Variants in CNTNAP2 observed in about 807,000 individuals in gnomAD.
The protein encoded by CNTNAP2 is contactin-associated protein-like 2.
Under a neutral mutation model 155.2 loss-of-function variants are expected in CNTNAP2, and 98 were observed. That is an observed-to-expected ratio of 0.63 (90% confidence interval 0.54 to 0.75). CNTNAP2 has a LOEUF of 0.75. CNTNAP2 is among the 30% of genes least tolerant of loss of function. The probability of loss-of-function intolerance (pLI) is 0.00; values close to 1 mark genes in which losing one functional copy is unlikely to be tolerated. For synonymous variants in CNTNAP2, 651 were observed against 631.2 expected, an observed-to-expected ratio of 1.03 and a Z score of -0.47; for missense variants, 1,727 against 1,688.1, an observed-to-expected ratio of 1.02 and a Z score of -0.40.
chr7:146,353,061 G>A (rs933387285), intron 1 of CNTNAP2, among the ~76,000 whole-genome samples: 1 of 152,074 alleles, frequency 6.6e-6, no homozygotes, highest in Non-Finnish European at 1.5e-5. Context: ...GCCAGGGGAT[G>A]TCTTATTTCT....
intron 1 of CNTNAP2, among the ~76,000 whole-genome samples, chr7:146,137,999 G>A (rs900889059): frequency 2.6e-5 from 4 of 151,702 alleles, no homozygotes; most frequent in African/African-American, 9.7e-5. Flanking sequence ...TTTCAAATTA[G>A]GTTTAAATAT....
At chr7:146,363,165 A>G (rs1350944339) in intron 1 of CNTNAP2, among the ~76,000 whole-genome samples, 1 of 152,284 alleles carries the variant, frequency 6.6e-6, no homozygotes. Context: ...ATCAACATGT[A>G]CTAATTTTTT....
chr7:147,131,044 A>ATGTG (rs1554441744), intron 7 of CNTNAP2, among the ~76,000 whole-genome samples: 1 of 143,840 alleles, frequency 7.0e-6, no homozygotes, highest in Non-Finnish European at 1.5e-5. Flanking sequence ...ATATATACAC[A>ATGTG]TATATATATG....
chr7:147,785,227 G>T (rs1446122892), intron 13 of CNTNAP2, among the ~76,000 whole-genome samples: 4 of 152,114 alleles, frequency 2.6e-5, no homozygotes, highest in African/African-American at 7.2e-5. Context: ...AACAGGAAGA[G>T]TGGCTAAAAA....
At chr7:147,593,412 A>T (rs1050129542) in intron 12 of CNTNAP2, among the ~76,000 whole-genome samples, 1 of 151,738 alleles carries the variant, frequency 6.6e-6, no homozygotes, top group African/African-American at 2.4e-5. Flanking sequence ...AATGAATTGG[A>T]TGATAAGTGA....
chr7:147,388,931 C>T (rs1334462480), intron 9 of CNTNAP2, among the ~76,000 whole-genome samples: 1 of 152,154 alleles, frequency 6.6e-6, no homozygotes, highest in Non-Finnish European at 1.5e-5. Flanking sequence ...TCTCACTATC[C>T]TCCATGTATT....
chr7:148,229,883 A>T, intron 20 of CNTNAP2, 104 bp downstream of exon 20: 1 of 1,356,240 alleles, frequency 7.4e-7, no homozygotes, highest in Admixed American at 1.8e-5. Context: ...GAAGTAGAAG[A>T]GATGCTTTTT....
chr7:147,017,610 A>G (rs970305595), intron 3 of CNTNAP2, among the ~76,000 whole-genome samples: 11 of 152,072 alleles, frequency 7.2e-5, no homozygotes, highest in African/African-American at 2.7e-4. Flanking sequence ...GATAGGAAAT[A>G]GTGAGTAAAG....
intron 1 of CNTNAP2, among the ~76,000 whole-genome samples, chr7:146,494,722 T>C (rs894924224): frequency 3.3e-5 from 5 of 152,250 alleles, no homozygotes; most frequent in Admixed American, 6.5e-5. Context: ...TCAACTGTTA[T>C]ACTGCAATGC....
At chr7:147,046,685 A>G (rs558576574) in intron 4 of CNTNAP2, among the ~76,000 whole-genome samples, 14 of 152,272 alleles carry the variant, frequency 9.2e-5, no homozygotes, top group East Asian at 5.8e-4. Context: ...AAAGTCTCCA[A>G]TGCAATTAAC....
At chr7:147,652,552 A>G (rs1184386010) in intron 13 of CNTNAP2, among the ~76,000 whole-genome samples, 2 of 152,206 alleles carry the variant, frequency 1.3e-5, no homozygotes, top group East Asian at 3.9e-4. Context: ...TGAGTTGTAT[A>G]TCGGAATTTC....
chr7:146,946,763 G>T (rs1024308633), intron 3 of CNTNAP2, among the ~76,000 whole-genome samples: 4 of 143,772 alleles, frequency 2.8e-5, no homozygotes, highest in Non-Finnish European at 5.9e-5. Context: ...CATGCTTCAG[G>T]ATTTGATGAA....
chr7:147,557,027 G>T (rs1799964645), intron 11 of CNTNAP2, among the ~76,000 whole-genome samples: 1 of 151,076 alleles, frequency 6.6e-6, no homozygotes, highest in Admixed American at 6.6e-5. Context: ...GCAGGCGGGG[G>T]TCGGGAGGCT....
At position 148,267,066 on chromosome 7, in the gene CNTNAP2, C is replaced by T. The variant is rs1290239694; in HGVS notation, c.3415C>T (p.Pro1139Ser). Residue 1139 changes from proline to serine, a missense_variant, in exon 21 of 24, where the codon CCA (proline) becomes TCA (serine). By Grantham distance (74) the Pro-to-Ser change is moderately conservative. Coordinates refer to ENST00000361727, the MANE Select transcript of CNTNAP2 (RefSeq NM_014141.6). The part of the protein sequence containing the change: ...DHYPSVSYHL[P>S]SSSDTLFNSP... Reference sequence around the variant, plus strand: ...TTATCCTTCTGTGAGTTACCATCTGCCAAGTTCATCCGACACCCTCTTCAA... The same window carrying T: ...TTATCCTTCTGTGAGTTACCATCTGTCAAGTTCATCCGACACCCTCTTCAA... 6.2e-7 allele frequency: 1 copy of T among 1,614,134 alleles called. No individual in the cohort carries two copies. Among genetic ancestry groups the T allele is most frequent in the African/African-American group, 1.3e-5 (1 of 75,038 alleles).
chr7:147,415,391 G>A (rs1797175234), intron 10 of CNTNAP2, among the ~76,000 whole-genome samples: 1 of 152,186 alleles, frequency 6.6e-6, no homozygotes, highest in South Asian at 2.1e-4. Flanking sequence ...CGTGTCAAGG[G>A]AGAGACCAGG....
chr7:147,219,112 A>G (rs1803338489), intron 8 of CNTNAP2, among the ~76,000 whole-genome samples: 1 of 152,176 alleles, frequency 6.6e-6, no homozygotes, highest in Non-Finnish European at 1.5e-5. Flanking sequence ...AGGGTGAGAG[A>G]GCAAGAAGGG....
intron 1 of CNTNAP2, among the ~76,000 whole-genome samples, chr7:146,667,742 A>G (rs1052801128): frequency 4.6e-5 from 7 of 151,742 alleles, no homozygotes; most frequent in Middle Eastern, 6.8e-3. Flanking sequence ...ACACTATTAT[A>G]AATTGGACTG....
chr7:147,243,186 T>C (rs1803981464), intron 8 of CNTNAP2, among the ~76,000 whole-genome samples: 1 of 151,486 alleles, frequency 6.6e-6, no homozygotes, highest in East Asian at 1.9e-4. Context: ...TTGGTAGAGA[T>C]GGGGTTTCAC....
At chr7:146,978,998 T>C (rs1226331794) in intron 3 of CNTNAP2, among the ~76,000 whole-genome samples, 1 of 152,182 alleles carries the variant, frequency 6.6e-6, no homozygotes, top group Non-Finnish European at 1.5e-5. Flanking sequence ...CCTGTGGAAG[T>C]TCTGAAGATC....
Sources: allele counts gnomAD v4.1 joint callset (sites outside exome capture counted in the v4.1 genomes callset), GRCh38; gene constraint gnomAD v4.1.1; transcripts MANE v1.5; gene names NCBI Gene and HGNC (gene_info 2026-07-23, HGNC 2026-07-21).